Variants in SPATA22 observed in about 807,000 individuals in gnomAD.
The protein encoded by SPATA22 is spermatogenesis-associated protein 22.
SPATA22 carries 29 observed loss-of-function variants against 47.8 expected under a neutral mutation model. The ratio of observed to expected loss-of-function variants is 0.61; its 90% CI spans 0.45 to 0.83. SPATA22 has a LOEUF of 0.83. Ranked by LOEUF, SPATA22 falls within the 40% of genes least tolerant of loss-of-function variation. The probability of loss-of-function intolerance (pLI) is 0.00; values close to 1 mark genes in which losing one functional copy is unlikely to be tolerated. For missense variants in SPATA22, 410 were observed against 421.7 expected, an observed-to-expected ratio of 0.97 and a Z score of 0.24; for synonymous variants, 133 against 140.9, an observed-to-expected ratio of 0.94 and a Z score of 0.40.
intron 1 of SPATA22, chr17:3,502,950 T>G (rs1362653838): frequency 3.3e-5 from 5 of 152,148 alleles, no homozygotes; most frequent in South Asian, 4.1e-4. Flanking sequence ...ACAGCTATGG[T>G]TTGCAAATAC....
chr17:3,471,281 CG>C, intron 1 of SPATA22: 1 of 318,488 alleles, frequency 3.1e-6, no homozygotes, highest in Non-Finnish European at 4.5e-6. Flanking sequence ...CTTTCTCCAC[CG>C]GCGCAACTCA....
At chr17:3,460,493 T>C (rs1032713974) in intron 5 of SPATA22, among the ~76,000 whole-genome samples, 5 of 152,136 alleles carry the variant, frequency 3.3e-5, no homozygotes, top group African/African-American at 1.2e-4. Context: ...TCTCAGCTTC[T>C]AAAGCCTTCA....
At chr17:3,483,925 T>G (rs1323212429) in intron 1 of SPATA22, among the ~76,000 whole-genome samples, 1 of 152,184 alleles carries the variant, frequency 6.6e-6, no homozygotes, top group Admixed American at 6.5e-5. Flanking sequence ...CCCAAAGTGC[T>G]GGGATTACAG....
chr17:3,493,872 A>G (rs1004833787), intron 1 of SPATA22, among the ~76,000 whole-genome samples: 1 of 152,080 alleles, frequency 6.6e-6, no homozygotes, highest in African/African-American at 2.4e-5. Flanking sequence ...GTGTTTGTGG[A>G]CAGAGTGCTG....
Position 3,490,545 on chromosome 17 carries a change from C to G in SPATA22, c.-73-21147G>C, listed in dbSNP as rs1332968732. 6.6e-6 allele frequency among the ~76,000 whole-genome samples: 1 copy of G among 152,000 alleles called. No homozygotes were observed. The highest frequency in any genetic ancestry group is 2.1e-4 in the South Asian group (1 of 4,814). ...TTCCTCAACCTCAGATCGTGCGCACCCCACTGCAATCACAGACATTCGTTT... is the reference window on the plus strand; with the variant it reads ...TTCCTCAACCTCAGATCGTGCGCACGCCACTGCAATCACAGACATTCGTTT... On this transcript the variant is annotated intron_variant, in intron 1 of 8. Coordinates refer to the SPATA22 transcript ENST00000541913. The surrounding 1 kb of genome is among the most constrained non-coding windows in gnomAD (Gnocchi z 4.6).
At chr17:3,502,104 AC>A (rs1445265534) in intron 1 of SPATA22, 3 of 152,196 alleles carry the variant, frequency 2.0e-5, no homozygotes, top group African/African-American at 4.8e-5. Flanking sequence ...GGCCATCCCA[AC>A]CCTCAGTGCC....
intron 2 of SPATA22, chr17:3,468,844 C>T (rs2073367872): frequency 1.2e-6 from 1 of 863,182 alleles, no homozygotes; most frequent in Non-Finnish European, 1.4e-6. Flanking sequence ...CTATTATCTT[C>T]ATTATGCATC....
At chr17:3,448,690 C>T in intron 6 of SPATA22, 117 bp downstream of exon 6, 1 of 716,314 alleles carries the variant, frequency 1.4e-6, no homozygotes, top group Non-Finnish European at 2.2e-6. Flanking sequence ...TTATGCTAAT[C>T]AAGTAATGTA....
At chr17:3,511,278 A>G (rs1412418097) in intron 1 of SPATA22, 1 of 152,202 alleles carries the variant, frequency 6.6e-6, no homozygotes, top group Non-Finnish European at 1.5e-5. Context: ...GAGACACCTG[A>G]GAAAATAGTC....
intron 3 of SPATA22, among the ~76,000 whole-genome samples, chr17:3,464,536 A>G (rs2073227805): frequency 8.3e-6 from 1 of 121,066 alleles, no homozygotes; most frequent in African/African-American, 3.0e-5. Context: ...GGAAGTGAGA[A>G]GCGCCTCTTC....
chr17:3,449,187 G>T, intron 5 of SPATA22, 38 bp from the exon 6 acceptor site: 4 of 1,406,272 alleles, frequency 2.8e-6, no homozygotes, highest in South Asian at 2.9e-5. Flanking sequence ...GTTTCTATAT[G>T]GTTTCTTAAT....
chr17:3,475,053 C>A (rs2073501006), upstream of SPATA22, among the ~76,000 whole-genome samples: 1 of 152,192 alleles, frequency 6.6e-6, no homozygotes, highest in Non-Finnish European at 1.5e-5. Context: ...AAATTAAACT[C>A]TGCAATTGTA....
intron 3 of SPATA22, among the ~76,000 whole-genome samples, chr17:3,466,700 A>G (rs1476724273): frequency 6.6e-6 from 1 of 152,224 alleles, no homozygotes; most frequent in Non-Finnish European, 1.5e-5. Flanking sequence ...AATATGATAA[A>G]TGTATTTCTC....
Position 3,487,046 on chromosome 17 carries a change from G to C in SPATA22, c.-73-17648C>G, listed in dbSNP as rs975836273. ...TCCAGTCGCTTTCCCATATTTGTGT[G>C]TGTGTGTGTGTTTATGTGTGTGTGT... On this transcript the variant is annotated intron_variant, in intron 1 of 8. Coordinates refer to the SPATA22 transcript ENST00000541913. Among the ~76,000 whole-genome samples, 3 of 147,060 alleles carry C rather than the reference G, an allele frequency of 2.0e-5. No individual in the cohort carries two copies. In the Admixed American group the frequency reaches 2.1e-4, roughly 10 times the overall value.
At position 3,485,208 on chromosome 17, in the gene SPATA22, G is replaced by C. The variant is rs2073698473; in HGVS notation, c.-73-15810C>G. On this transcript the variant is annotated intron_variant, in intron 1 of 8. Coordinates refer to the SPATA22 transcript ENST00000541913. This position sits in a 1 kb window ranked among gnomAD's most constrained non-coding sequence, Gnocchi z 4.4. The stretch of plus-strand genomic sequence containing the variant: ...TAATTTTTTATTTTTTGTAGAGACA[G>C]GATCTCAGTATGATCAGGTCTCAAA... 6.6e-6 allele frequency among the ~76,000 whole-genome samples: 1 copy of C among 152,006 alleles called. No homozygotes were observed. Among genetic ancestry groups the C allele is most frequent in the Non-Finnish European group, 1.5e-5 (1 of 68,006 alleles).
chr17:3,481,897 G>T, intron 1 of SPATA22: 2 of 1,185,598 alleles, frequency 1.7e-6, no homozygotes, highest in Non-Finnish European at 2.4e-6. Context: ...GAGGGAAGGT[G>T]CAAGAGAAAT....
In SPATA22 at chr17:3,467,524, T is replaced by C. The variant is rs776994653; in HGVS notation, c.74A>G (p.Lys25Arg). ...AGTTAATGGCTGTCTGTTCCTCTTT[T>C]TCTGATTGAACAACGGAACAGGCAA... ...GCLPVPLFNQ[K>R]KRNRQPLTSN... The change falls in exon 3 of 9, where the codon AAA becomes AGA. Residue 25 changes from lysine (K) to arginine (R), a missense_variant. Coordinates refer to ENST00000572969, the MANE Select transcript of SPATA22 (RefSeq NM_001170698.2). 1.2e-5 allele frequency: 19 copies of C among 1,609,048 alleles called. No homozygotes were observed. The highest frequency in any genetic ancestry group is 4.0e-5 in the African/African-American group (3 of 74,830).
chr17:3,488,582 G>A lies in SPATA22; in HGVS notation c.-73-19184C>T, dbSNP rs2073767722. On this transcript the variant is annotated intron_variant, in intron 1 of 8. Coordinates refer to the SPATA22 transcript ENST00000541913. This position sits in a 1 kb window ranked among gnomAD's most constrained non-coding sequence, Gnocchi z 6.1. ...TGAGGCAGAAGAATCGCTTGAACCT[G>A]GGAGGCAGAGGTTGCAGTGAGCAGA... 6.6e-6 allele frequency among the ~76,000 whole-genome samples: 1 copy of A among 152,144 alleles called. No individual in the cohort carries two copies. The highest frequency in any genetic ancestry group is 2.1e-4 in the South Asian group (1 of 4,826).
chr17:3,499,261 A>G (rs890549402), intron 1 of SPATA22: 18 of 553,732 alleles, frequency 3.3e-5, no homozygotes, highest in Non-Finnish European at 5.2e-5. Flanking sequence ...CTTTAAAGAT[A>G]TCATATTTTA....
Sources: allele counts gnomAD v4.1 joint callset (sites outside exome capture counted in the v4.1 genomes callset), GRCh38; gene constraint gnomAD v4.1.1; non-coding constraint Gnocchi (gnomAD v3.1); transcripts MANE v1.5; gene names NCBI Gene and HGNC (gene_info 2026-07-23, HGNC 2026-07-21).